Variants in PEX14 observed in about 807,000 individuals in gnomAD.
PEX14 encodes the protein peroxisomal membrane protein PEX14.
In PEX14, 15 loss-of-function variants were observed where a neutral mutation model predicts 49.5. The ratio of observed to expected loss-of-function variants is 0.30; its 90% CI spans 0.20 to 0.47. The LOEUF is 0.47. Among genes scored for constraint, PEX14 ranks in the 20% least tolerant of loss-of-function variants. The probability of loss-of-function intolerance (pLI) is 1.00; values close to 1 mark genes in which losing one functional copy is unlikely to be tolerated. For synonymous variants in PEX14, 210 were observed against 212.7 expected (o/e 0.99, Z 0.11); for missense variants, 398 against 494.8 (o/e 0.80, Z 1.86).
At position 10,541,075 on chromosome 1, in the gene PEX14, G is replaced by A. The variant is rs148823749; in HGVS notation, c.169+4778G>A. Among the ~76,000 whole-genome samples, 244 of 152,268 alleles carry A rather than the reference G, an allele frequency of 1.6e-3. 6 individuals carry two copies. The East Asian group carries it at 0.035, about 22-fold the overall frequency. ...AGACGACCAGAGGAAACAAATGCCC[G>A]ACACGGATTCGACTCAGTCATAAGT... On this transcript the variant is annotated intron_variant, in intron 3 of 8. Coordinates refer to ENST00000356607, the MANE Select transcript of PEX14 (RefSeq NM_004565.3).
rs139214823 is a variant in PEX14, at chr1:10,615,814, G to A, written c.299-2518G>A. On this transcript the variant is annotated intron_variant, in intron 4 of 8. Transcript: ENST00000356607. ...AAACAAGATTGAGAGATGGGGAAAC[G>A]TGAAGGAAGAGAAGACATCCTGTGC... Among the ~76,000 whole-genome samples, 780 of 152,328 alleles carry A rather than the reference G, an allele frequency of 5.1e-3. 6 individuals are homozygous for A. The highest frequency in any genetic ancestry group is 0.018 in the African/African-American group (739 of 41,564).
At chr1:10,496,880 T>G (rs1641575785) in intron 2 of PEX14, among the ~76,000 whole-genome samples, 1 of 151,950 alleles carries the variant, frequency 6.6e-6, no homozygotes, top group African/African-American at 2.4e-5. Flanking sequence ...ACAATTACCT[T>G]ATATTTAATT....
intron 3 of PEX14, among the ~76,000 whole-genome samples, chr1:10,538,665 T>G (rs567463479): frequency 1.3e-5 from 2 of 152,374 alleles, no homozygotes; most frequent in Non-Finnish European, 2.9e-5. Context: ...GGGTCAGGTT[T>G]CCGTGCTCAG....
rs746891814 is a variant in PEX14 at position 10,613,637 on chromosome 1, C to T, written c.299-4695C>T. Among the ~76,000 whole-genome samples the T allele has an allele frequency of 4.6e-5, 7 of 152,280 alleles. No homozygotes were observed. Among genetic ancestry groups the T allele is most frequent in the African/African-American group, 4.8e-5 (2 of 41,562 alleles). ...AGGAACCCCTGCCACGCAGCTAGGG[C>T]GCCGGTCCTTAGACAGCTGGGCTCT... On this transcript the variant is annotated intron_variant, in intron 4 of 8. Coordinates refer to ENST00000356607, the MANE Select transcript of PEX14 (RefSeq NM_004565.3). This position sits in a 1 kb window ranked among gnomAD's most constrained non-coding sequence, Gnocchi z 5.0.
At chr1:10,528,802 G>A (rs988461621) in intron 2 of PEX14, among the ~76,000 whole-genome samples, 1 of 152,160 alleles carries the variant, frequency 6.6e-6, no homozygotes, top group Non-Finnish European at 1.5e-5. Context: ...CTTGCCACTC[G>A]TCTCTGGCAC....
intron 2 of PEX14, among the ~76,000 whole-genome samples, chr1:10,501,296 T>G (rs1471835226): frequency 6.6e-6 from 1 of 151,656 alleles, no homozygotes; most frequent in Non-Finnish European, 1.5e-5. Context: ...ATCAGTTTAT[T>G]TTTATTTTTA....
rs573542555 is a variant in PEX14 at position 10,495,373 on chromosome 1, G to A, written c.84+52G>A. ...CTTTCTAGTAATTAAAATGCCACGCGAGTGAAAAGAAACCTTCTGTTCCTA... is the reference window on the plus strand; with the variant it reads ...CTTTCTAGTAATTAAAATGCCACGCAAGTGAAAAGAAACCTTCTGTTCCTA... On this transcript the variant is annotated intron_variant, in intron 2 of 8. Transcript: ENST00000356607. The surrounding 1 kb of genome is among the most constrained non-coding windows in gnomAD (Gnocchi z 4.2). The A allele has an allele frequency of 2.0e-5, 28 of 1,430,258 alleles. 1 individual carries two copies. The South Asian group carries it at 2.1e-4, about 11-fold the overall frequency. 88.6% of individuals were successfully genotyped at this position (1,430,258 alleles called of 1,614,324 possible).
At chr1:10,585,510 A>T (rs1000819687) in intron 3 of PEX14, among the ~76,000 whole-genome samples, 3 of 152,256 alleles carry the variant, frequency 2.0e-5, no homozygotes. Context: ...TGCATCAGAC[A>T]CACCTTTAGT....
chr1:10,495,498 A>C lies in PEX14; in HGVS notation c.84+177A>C, dbSNP rs1294318184. Among the ~76,000 whole-genome samples, 1 of 152,090 alleles carries C rather than the reference A, an allele frequency of 6.6e-6. No homozygotes were observed. Among genetic ancestry groups the C allele is most frequent in the African/African-American group, 2.4e-5 (1 of 41,398 alleles). On this transcript the variant is annotated intron_variant, in intron 2 of 8. Coordinates refer to ENST00000356607, the MANE Select transcript of PEX14 (RefSeq NM_004565.3). This position sits in a 1 kb window ranked among gnomAD's most constrained non-coding sequence, Gnocchi z 4.2. Reference sequence around the variant, plus strand: ...CTCTTCTCGCGTGTGGGGACGAGTGAGATCTCTCCTTAGTAAAGGCTGGTC... The same window carrying C: ...CTCTTCTCGCGTGTGGGGACGAGTGCGATCTCTCCTTAGTAAAGGCTGGTC...
At chr1:10,580,792 T>TC in intron 3 of PEX14, among the ~76,000 whole-genome samples, 1 of 152,062 alleles carries the variant, frequency 6.6e-6, no homozygotes, top group African/African-American at 2.4e-5. Context: ...CTTTTTTTTT[T>TC]CAGTGCATTA....
At chr1:10,555,241 A>G (rs1004480659) in intron 3 of PEX14, among the ~76,000 whole-genome samples, 6 of 151,582 alleles carry the variant, frequency 4.0e-5, no homozygotes, top group African/African-American at 7.3e-5. Context: ...TTTTTTTTTA[A>G]TTTACAAATT....
intron 3 of PEX14, among the ~76,000 whole-genome samples, chr1:10,595,455 G>A (rs1640809757): frequency 6.6e-6 from 1 of 152,160 alleles, no homozygotes; most frequent in Non-Finnish European, 1.5e-5. Flanking sequence ...TATAGACTGG[G>A]TGGCTGGGGG....
rs1319060880 is a variant in PEX14, at chr1:10,494,880, C to T, written c.37-394C>T. ...CTGCGCGACTTTTCTTCCCAGTCCCCTGACGTTGGGGAGGTGGCAGAAAGA... is the reference window on the plus strand; with the variant it reads ...CTGCGCGACTTTTCTTCCCAGTCCCTTGACGTTGGGGAGGTGGCAGAAAGA... On this transcript the variant is annotated intron_variant, in intron 1 of 8. Coordinates refer to ENST00000356607, the MANE Select transcript of PEX14 (RefSeq NM_004565.3). This position sits in a 1 kb window ranked among gnomAD's most constrained non-coding sequence, Gnocchi z 4.3. Among the ~76,000 whole-genome samples the T allele has an allele frequency of 6.6e-6, 1 of 152,200 alleles. No individual in the cohort carries two copies. Among genetic ancestry groups the T allele is most frequent in the Non-Finnish European group, 1.5e-5 (1 of 68,044 alleles).
intron 3 of PEX14, among the ~76,000 whole-genome samples, chr1:10,546,089 T>C (rs555692399): frequency 2.0e-5 from 3 of 152,004 alleles, no homozygotes; most frequent in East Asian, 3.9e-4. Flanking sequence ...GAAAATGATA[T>C]GGAAAGTGCT....
At chr1:10,552,573 A>G (rs2124513193) in intron 3 of PEX14, among the ~76,000 whole-genome samples, 1 of 152,370 alleles carries the variant, frequency 6.6e-6, no homozygotes, top group East Asian at 1.9e-4. Flanking sequence ...ATTCACTGGA[A>G]AAATCATCTA....
In PEX14 at chr1:10,629,331, A is replaced by T. The variant is rs146625343; in HGVS notation, c.678-200A>T. On this transcript the variant is annotated intron_variant, in intron 8 of 8. Coordinates refer to ENST00000356607, the MANE Select transcript of PEX14 (RefSeq NM_004565.3). This position sits in a 1 kb window ranked among gnomAD's most constrained non-coding sequence, Gnocchi z 8.5. ...CCTGGGCTGTCTGTGGGGGCACAGGACCCGCTTGGCATCTATCTCAGCTGT... is the reference window on the plus strand; with the variant it reads ...CCTGGGCTGTCTGTGGGGGCACAGGTCCCGCTTGGCATCTATCTCAGCTGT... Among the ~76,000 whole-genome samples the T allele has an allele frequency of 2.0e-5, 3 of 152,154 alleles. No homozygotes were observed. Among genetic ancestry groups the T allele is most frequent in the Non-Finnish European group, 4.4e-5 (3 of 67,946 alleles).
At position 10,613,086 on chromosome 1, in the gene PEX14, T is replaced by C. The variant is rs1283554138; in HGVS notation, c.299-5246T>C. Among the ~76,000 whole-genome samples the C allele has an allele frequency of 6.6e-6, 1 of 152,214 alleles. No homozygotes were observed. The highest frequency in any genetic ancestry group is 1.5e-5 in the Non-Finnish European group (1 of 68,034). On this transcript the variant is annotated intron_variant, in intron 4 of 8. Coordinates refer to ENST00000356607, the MANE Select transcript of PEX14 (RefSeq NM_004565.3). This position sits in a 1 kb window ranked among gnomAD's most constrained non-coding sequence, Gnocchi z 5.0. ...CTCAGCTCTGTGTTGCCGATGAACC[T>C]TTACTGGATTGCAGGATTTCCATGG... is the stretch of plus-strand genomic sequence containing the variant.
At chr1:10,550,762 T>A (rs1267191422) in intron 3 of PEX14, among the ~76,000 whole-genome samples, 1 of 152,230 alleles carries the variant, frequency 6.6e-6, no homozygotes, top group East Asian at 1.9e-4. Context: ...CTGTCATCAC[T>A]GAGTTGAATT....
intron 3 of PEX14, among the ~76,000 whole-genome samples, chr1:10,586,638 T>TTC (rs1436266573): frequency 1.1e-5 from 1 of 93,550 alleles, no homozygotes; most frequent in Non-Finnish European, 2.1e-5. Flanking sequence ...CTTTTTTTTT[T>TTC]TTTTTTTTTT....
Sources: gnomAD v4.1 joint callset for allele counts (sites outside exome capture counted in the v4.1 genomes callset) on GRCh38, gnomAD v4.1.1 for gene constraint, Gnocchi (gnomAD v3.1) non-coding constraint, MANE v1.5 for transcripts, NCBI Gene and HGNC (gene_info 2026-07-23, HGNC 2026-07-21) for gene names.